The following GLB1L variants were observed in gnomAD, a reference collection of about 807,000 sequenced individuals.
GLB1L encodes galactosidase beta 1 like.
In GLB1L, 58 loss-of-function variants were observed where a neutral mutation model predicts 75.7. That is an observed-to-expected ratio of 0.77 (90% CI 0.62 to 0.95). GLB1L has a LOEUF of 0.95. Ranked by LOEUF, GLB1L falls within the 40% of genes least tolerant of loss-of-function variation. The pLI is 0.00. For missense variants in GLB1L, 797 were observed against 805.5 expected (o/e 0.99, Z 0.13); for synonymous variants, 296 against 303.0 (o/e 0.98, Z 0.24).
intron 5 of GLB1L, among the ~76,000 whole-genome samples, chr2:219,241,257 T>C (rs1309269647): frequency 6.7e-6 from 1 of 148,294 alleles, no homozygotes; most frequent in African/African-American, 2.5e-5. Flanking sequence ...TGGGCACCTG[T>C]AGTCCCAGCT....
chr2:219,238,692 T>G lies in GLB1L; in HGVS notation c.1137+13A>C. ...AAGGTGTGGTATAAGAGAAAAGATGTGGAGGAACTTACCAGGTGCAGAGTC... is the reference window on the plus strand; with the variant it reads ...AAGGTGTGGTATAAGAGAAAAGATGGGGAGGAACTTACCAGGTGCAGAGTC... On this transcript the variant is annotated intron_variant, in intron 12 of 16. Transcript: ENST00000295759. The G allele has an allele frequency of 6.2e-7, 1 of 1,612,882 alleles. No homozygotes were observed. Among genetic ancestry groups the G allele is most frequent in the East Asian group, 2.2e-5 (1 of 44,706 alleles).
chr2:219,239,301 G>A (rs1375301418), intron 10 of GLB1L, 91 bp from the exon 11 acceptor site: 3 of 1,320,490 alleles, frequency 2.3e-6, no homozygotes, highest in Non-Finnish European at 2.1e-6. Context: ...TGCCATCAGA[G>A]GGGGCAGAGG....
At chr2:219,243,366 G>GGTCA in intron 2 of GLB1L, 52 bp from the exon 3 acceptor site, 1 of 1,591,448 alleles carries the variant, frequency 6.3e-7, no homozygotes. Context: ...GAGCGTCGAG[G>GGTCA]GTCAGCGCCT....
chr2:219,241,221 A>G (rs1272039163), intron 5 of GLB1L, among the ~76,000 whole-genome samples: 1 of 151,340 alleles, frequency 6.6e-6, no homozygotes, highest in African/African-American at 2.4e-5. Flanking sequence ...TCTACTAAAA[A>G]TACAAAAAAT....
Position 219,242,791 on chromosome 2 carries a change from A to G in GLB1L, c.367T>C (p.Tyr123His). 6.2e-7 allele frequency: 1 copy of G among 1,614,198 alleles called. No homozygotes were observed. Among genetic ancestry groups the G allele is most frequent in the Non-Finnish European group, 8.5e-7 (1 of 1,180,026 alleles). The change falls in exon 4 of 17, where the codon TAC becomes CAC. Residue 123 changes from tyrosine (Y) to histidine (H), a missense_variant. By Grantham distance (83) the Tyr-to-His change is moderately conservative (BLOSUM62 2). Coordinates refer to ENST00000295759, the MANE Select transcript of GLB1L (RefSeq NM_001286423.2). Reference protein sequence around the residue: ...NLLVILRPGPYICAEWEMGGL... With the variant: ...NLLVILRPGPHICAEWEMGGL... ...ACCATCTCCCACTCTGCACAGATGT[A>G]AGGTCCTGGTCTCAGTATGACCAAC...
At chr2:219,244,006 T>TGGGGGG (rs1442750772) in intron 1 of GLB1L, 2 of 3,094 alleles carry the variant, frequency 6.5e-4, no homozygotes, top group African/African-American at 2.8e-3. Flanking sequence ...ACTCCGAGGG[T>TGGGGGG]GGGGGTGGGG....
Position 219,238,213 on chromosome 2 carries a change from G to A in GLB1L, c.1341+37C>T, listed in dbSNP as rs201628675. On this transcript the variant is annotated intron_variant, in intron 14 of 16. Coordinates refer to ENST00000295759, the MANE Select transcript of GLB1L (RefSeq NM_001286423.2). The stretch of plus-strand genomic sequence containing the variant: ...AGGCTAACGCTTCCTGGGGAAGGGA[G>A]GAGTTTGGGGCTCACAGCCTGGAAT... 2.6e-4 allele frequency: 357 copies of A among 1,396,298 alleles called. No individual in the cohort carries two copies. In the Middle Eastern group the frequency reaches 8.7e-3, roughly 34 times the overall value. 86.5% of individuals were successfully genotyped at this position (1,396,298 alleles called of 1,614,324 possible).
At position 219,243,172 on chromosome 2, in the gene GLB1L, C is replaced by T. The variant is rs1951435327; in HGVS notation, c.215G>A (p.Trp72Ter). The T allele has an allele frequency of 6.2e-7, 1 of 1,612,550 alleles. No homozygotes were observed. The highest frequency in any genetic ancestry group is 8.5e-7 in the Non-Finnish European group (1 of 1,179,324). ...CAACTGTATGGCGTTGAGGCCGCTC[C>T]ATCGCATCTTCAAAAGCCGGTCGGC... ...LWADRLLKMR[W>*]SGLNAIQFYV... Residue 72 changes from tryptophan to a stop codon, truncating the protein, a stop_gained, in exon 3 of 17, where the codon TGG becomes TAG. Coordinates refer to ENST00000295759, the MANE Select transcript of GLB1L (RefSeq NM_001286423.2). LOFTEE classifies it high-confidence loss of function.
chr2:219,242,609 A>C (rs765926173), intron 4 of GLB1L, 35 bp from the exon 5 acceptor site: 3 of 1,599,264 alleles, frequency 1.9e-6, no homozygotes, highest in Non-Finnish European at 2.6e-6. Flanking sequence ...AGAAGCATGT[A>C]GGTTTTGTTT....
In GLB1L at chr2:219,236,995, AC is replaced by A. The variant is rs1951260161; in HGVS notation, c.*76del. On this transcript the variant is annotated 3_prime_UTR_variant, in exon 17 of 17. Coordinates refer to ENST00000295759, the MANE Select transcript of GLB1L (RefSeq NM_001286423.2). The stretch of plus-strand genomic sequence containing the variant: ...TGGCCAGGCTGGTCTTGAAGTCCTG[AC>A]CTCAGGTAATCCACCCGTCTCAGCC... 3 of 1,074,636 alleles carry A rather than the reference AC, an allele frequency of 2.8e-6. No homozygotes were observed. The African/African-American group carries it at 4.7e-5, about 17-fold the overall frequency. 66.6% of individuals were successfully genotyped at this position (1,074,636 alleles called of 1,614,324 possible). A position where few individuals can be genotyped will look rare whatever the true frequency, so the allele number is the denominator to read the frequency against.
In GLB1L at chr2:219,239,827, T is replaced by C. The variant is rs751209809; in HGVS notation, c.728A>G (p.Asn243Ser). Reference protein sequence around the residue: ...YTTVDFGPADNMTKIFTLLRK... With the variant: ...YTTVDFGPADSMTKIFTLLRK... ...AAGCAGGGTAAAGATTTTGGTCATG[T>C]TGTCAGCTGCGGAAAGGAGGCAAAA... is the stretch of plus-strand genomic sequence containing the variant. Residue 243 changes from asparagine to serine, a missense_variant, in exon 8 of 17, where the codon AAC becomes AGC. Asn to Ser is a conservative substitution (Grantham distance 46, BLOSUM62 1). Coordinates refer to ENST00000295759, the MANE Select transcript of GLB1L (RefSeq NM_001286423.2). 1.2e-6 allele frequency: 2 copies of C among 1,614,180 alleles called. No individual in the cohort carries two copies. Among genetic ancestry groups the C allele is most frequent in the Non-Finnish European group, 1.7e-6 (2 of 1,180,026 alleles).
Position 219,239,964 on chromosome 2 carries a change from C to A in GLB1L, c.677G>T (p.Cys226Phe), listed in dbSNP as rs149500487. Reference protein sequence around the residue: ...FTTDGPEGLKCGSLRGLYTTV... With the variant: ...FTTDGPEGLKFGSLRGLYTTV... ...GGTATAGAGTCCCCGGAGGGAGCCA[C>A]ACTTGAGTCCTTCAGGCCCATCTGT... Residue 226 changes from cysteine to phenylalanine, a missense_variant, in exon 7 of 17, where the codon TGT becomes TTT. Coordinates refer to ENST00000295759, the MANE Select transcript of GLB1L (RefSeq NM_001286423.2). 2.5e-5 allele frequency: 40 copies of A among 1,614,018 alleles called. No individual in the cohort carries two copies. Among genetic ancestry groups the A allele is most frequent in the South Asian group, 9.9e-5 (9 of 91,088 alleles).
chr2:219,238,603 A>C lies in GLB1L; in HGVS notation c.1138-19T>G. 1 of 1,608,114 alleles carries C rather than the reference A, an allele frequency of 6.2e-7. No individual in the cohort carries two copies. Among genetic ancestry groups the C allele is most frequent in the Admixed American group, 1.7e-5 (1 of 59,822 alleles). On this transcript the variant is annotated intron_variant, in intron 12 of 16. Transcript: ENST00000295759. ...GCCCAACCTATTAGAATAAGGGAGA[A>C]GAATTAGAATATCAGGGAAGTTTCT... is the stretch of plus-strand genomic sequence containing the variant.
At chr2:219,241,186 C>A (rs1370862418) in intron 5 of GLB1L, among the ~76,000 whole-genome samples, 2 of 151,836 alleles carry the variant, frequency 1.3e-5, no homozygotes, top group South Asian at 4.2e-4. Context: ...CGAGACCATC[C>A]TGGCTAACAC....
intron 11 of GLB1L, 58 bp from the exon 12 acceptor site, chr2:219,238,837 A>G: frequency 6.8e-7 from 1 of 1,465,584 alleles, no homozygotes; most frequent in Non-Finnish European, 9.5e-7. Flanking sequence ...TACCTATTCC[A>G]AGACTCTAGG....
At chr2:219,241,109 G>A (rs529717922) in intron 5 of GLB1L, among the ~76,000 whole-genome samples, 5 of 151,298 alleles carry the variant, frequency 3.3e-5, no homozygotes, top group African/African-American at 1.2e-4. Flanking sequence ...TGCCGGGTGC[G>A]GCGGCTCACA....
At chr2:219,241,201 A>G (rs1424747432) in intron 5 of GLB1L, among the ~76,000 whole-genome samples, 2 of 151,772 alleles carry the variant, frequency 1.3e-5, no homozygotes, top group African/African-American at 4.8e-5. Flanking sequence ...TAACACAGTG[A>G]AACCCCATCT....
At chr2:219,240,634 C>T (rs945169793) in intron 5 of GLB1L, among the ~76,000 whole-genome samples, 4 of 152,134 alleles carry the variant, frequency 2.6e-5, no homozygotes, top group African/African-American at 9.7e-5. Context: ...ATCCCAGCTA[C>T]TCAGGAGGCT....
Position 219,238,291 on chromosome 2 carries a change from T to G in GLB1L, c.1300A>C (p.Asn434His), listed in dbSNP as rs183035280. The change falls in exon 14 of 17, where the codon AAT (asparagine) becomes CAT (histidine). Residue 434 changes from asparagine to histidine, a missense_variant. By Grantham distance (68) the Asn-to-His change is moderately conservative. Transcript: ENST00000295759. ...TAGGCACGGTCATGGACTCCATTAT[T>G]TGGCACCCAGAATGGTGTTGGCTCA... ...IFEPTPFWVP[N>H]NGVHDRAYVM... 1 of 1,612,768 alleles carries G rather than the reference T, an allele frequency of 6.2e-7. No homozygotes were observed.
Sources: allele counts gnomAD v4.1 joint callset (sites outside exome capture counted in the v4.1 genomes callset), GRCh38; gene constraint gnomAD v4.1.1; transcripts MANE v1.5; gene names NCBI Gene and HGNC (gene_info 2026-07-23, HGNC 2026-07-21).